The following GEMIN5 variants were observed in gnomAD, a reference collection of about 807,000 sequenced individuals.
GEMIN5 encodes the protein gem nuclear organelle associated protein 5.
In GEMIN5, 124 loss-of-function variants were observed where a neutral mutation model predicts 176.9. The ratio of observed to expected loss-of-function variants is 0.70; its 90% CI spans 0.61 to 0.81. The LOEUF (loss-of-function observed/expected upper bound fraction) is 0.81, where lower values mean the gene tolerates loss of function less well. Ranked by LOEUF, GEMIN5 falls within the 40% of genes least tolerant of loss-of-function variation. GEMIN5 has a pLI of 0.00. For missense variants in GEMIN5, 1,843 were observed against 1,814.6 expected (o/e 1.02, Z -0.28); for synonymous variants, 673 against 665.2 (o/e 1.01, Z -0.18).
Position 154,903,110 on chromosome 5 carries a change from C to T in GEMIN5, c.2698G>A (p.Ala900Thr). 2 of 1,608,530 alleles carry T rather than the reference C, an allele frequency of 1.2e-6. No homozygotes were observed. Among genetic ancestry groups the T allele is most frequent in the Non-Finnish European group, 1.7e-6 (2 of 1,175,010 alleles). Residue 900 changes from alanine to threonine, a missense_variant, in exon 19 of 28, where the codon GCT (alanine) becomes ACT (threonine). Coordinates refer to ENST00000285873, the MANE Select transcript of GEMIN5 (RefSeq NM_015465.5). ...RFHLGLFTDR[A>T]TLYRMIDIEG... ...ATATCAATCATTCTATACAGGGTAGCCCTGTCTGTGAAAAGCCCCAGATGA... is the reference window on the plus strand; with the variant it reads ...ATATCAATCATTCTATACAGGGTAGTCCTGTCTGTGAAAAGCCCCAGATGA...
chr5:154,912,443 T>C (rs577013316), intron 14 of GEMIN5, among the ~76,000 whole-genome samples: 2 of 152,376 alleles, frequency 1.3e-5, no homozygotes, highest in East Asian at 3.9e-4. Context: ...TCCCCAGCTC[T>C]AGTTCTGATA....
intron 18 of GEMIN5, among the ~76,000 whole-genome samples, chr5:154,904,262 A>G (rs1430676904): frequency 6.6e-6 from 1 of 152,192 alleles, no homozygotes; most frequent in East Asian, 1.9e-4. Context: ...GAGGAATTAG[A>G]TTTAGAATAA....
chr5:154,903,946 G>A (rs2113470703), intron 18 of GEMIN5, among the ~76,000 whole-genome samples: 1 of 151,904 alleles, frequency 6.6e-6, no homozygotes, highest in Middle Eastern at 3.4e-3. Context: ...TATTTATTAT[G>A]TGCATCCCTT....
At chr5:154,910,013 T>C (rs764443762) in intron 15 of GEMIN5, among the ~76,000 whole-genome samples, 1 of 151,648 alleles carries the variant, frequency 6.6e-6, no homozygotes, top group Non-Finnish European at 1.5e-5. Flanking sequence ...ATAAACAGAA[T>C]TAGACAGTAT....
intron 15 of GEMIN5, among the ~76,000 whole-genome samples, chr5:154,909,551 CCTA>C (rs1338295648): frequency 2.3e-5 from 1 of 43,530 alleles, no homozygotes; most frequent in Non-Finnish European, 8.5e-5. Context: ...GTACAAAGTA[CCTA>C]CCACCACCAC....
At chr5:154,919,924 C>A in intron 11 of GEMIN5, 43 bp downstream of exon 11, 1 of 1,575,264 alleles carries the variant, frequency 6.3e-7, no homozygotes, top group Non-Finnish European at 8.7e-7. Context: ...ACAGAGGGAT[C>A]TGTGATGTAA....
chr5:154,900,537 A>G (rs1331450899), intron 21 of GEMIN5, among the ~76,000 whole-genome samples: 2 of 152,198 alleles, frequency 1.3e-5, no homozygotes, highest in Non-Finnish European at 2.9e-5. Flanking sequence ...TGGGAGCCCT[A>G]TCTTGGCACT....
In GEMIN5 at chr5:154,927,582, T is replaced by C. The variant is rs188539112; in HGVS notation, c.915-32A>G. The C allele has an allele frequency of 5.0e-5, 75 of 1,506,716 alleles. No individual in the cohort carries two copies. In the African/African-American group the frequency reaches 9.2e-4, roughly 18 times the overall value. 93.3% of individuals were successfully genotyped at this position (1,506,716 alleles called of 1,614,324 possible). On this transcript the variant is annotated intron_variant, in intron 6 of 27. Transcript: ENST00000285873. ...AGGAAAAACATAAGCATTAGTTCTT[T>C]TACAAACGATCTGAAAACAAGTGAC...
chr5:154,902,663 T>C lies in GEMIN5; in HGVS notation c.2742A>G (p.Leu914=). The stretch of plus-strand genomic sequence containing the variant: ...GAAATAACTCAGGGTGGCCATTTTC[T>C]AAGTGACCTTTTCCTGTTTGAAAGA... ...RMIDIEGKGH[L]ENGHPELFHQ... is the part of the protein sequence containing the mutation. Residue 914 remains leucine (L), a synonymous_variant, in exon 20 of 28, where the codon TTA becomes TTG. Transcript: ENST00000285873. 1 of 1,614,042 alleles carries C rather than the reference T, an allele frequency of 6.2e-7. No homozygotes were observed. The highest frequency in any genetic ancestry group is 2.2e-5 in the East Asian group (1 of 44,880).
In GEMIN5 at chr5:154,889,403, T is replaced by C. The variant is rs540609069; in HGVS notation, c.4277A>G (p.Asn1426Ser). The change falls in exon 27 of 28, where the codon AAT (asparagine) becomes AGT (serine). Residue 1426 changes from asparagine to serine, a missense_variant. Transcript: ENST00000285873. ...TAACTCAGGCAGAGAAAGTGGCTCA[T>C]TTTTTTCTTCTTTACTAGTGAAAAA... The part of the protein sequence containing the change: ...SSQSQCKEEK[N>S]EPLSLPELTK... 4.3e-5 allele frequency: 69 copies of C among 1,604,446 alleles called. No homozygotes were observed. The South Asian group carries it at 7.0e-4, about 16-fold the overall frequency.
In GEMIN5 at chr5:154,896,226, G is replaced by A. The variant is rs6865950; in HGVS notation, c.3463C>T (p.Pro1155Ser). Residue 1155 changes from proline to serine, a missense_variant, in exon 24 of 28, where the codon CCT (proline) becomes TCT (serine). Pro to Ser is a moderately conservative substitution (Grantham distance 74). Coordinates refer to ENST00000285873, the MANE Select transcript of GEMIN5 (RefSeq NM_015465.5). ...YHTWNTGTEG[P>S]FVERVTAVWK... ...ACTGCAGTCACCCTCTCCACGAAAG[G>A]CCCTTCGGTGCCCGTGTTCCAAGTG... 132,208 of 1,613,498 alleles carry A rather than the reference G, an allele frequency of 0.082. 6,347 individuals are homozygous for A. Among genetic ancestry groups the A allele is most frequent in the Admixed American group, 0.19 (11,135 of 59,914 alleles).
intron 24 of GEMIN5, among the ~76,000 whole-genome samples, chr5:154,892,891 G>C (rs920677892): frequency 6.6e-6 from 1 of 152,064 alleles, no homozygotes; most frequent in Non-Finnish European, 1.5e-5. Context: ...AAGGTCAGGA[G>C]TTCAAGACCA....
At chr5:154,901,774 T>C (rs1012488408) in intron 20 of GEMIN5, among the ~76,000 whole-genome samples, 2 of 121,658 alleles carry the variant, frequency 1.6e-5, no homozygotes, top group Non-Finnish European at 3.4e-5. Context: ...AAAGGTAACA[T>C]GACTACGTGC....
chr5:154,911,560 G>C (rs1442170206), intron 15 of GEMIN5, among the ~76,000 whole-genome samples, 167 bp downstream of exon 15: 3 of 152,114 alleles, frequency 2.0e-5, no homozygotes, highest in Non-Finnish European at 4.4e-5. Context: ...TTCCTATTGT[G>C]GGTGGTGTTG....
intron 10 of GEMIN5, 83 bp downstream of exon 10, chr5:154,921,260 G>C (rs764356465): frequency 5.1e-6 from 4 of 777,480 alleles, no homozygotes; most frequent in Non-Finnish European, 9.2e-6. Context: ...GACCATTTAT[G>C]ACTCTTTCCA....
At chr5:154,892,318 T>G in intron 25 of GEMIN5, 69 bp downstream of exon 25, 2 of 1,255,652 alleles carry the variant, frequency 1.6e-6, no homozygotes, top group Non-Finnish European at 2.3e-6. Flanking sequence ...GTACTCCCAG[T>G]GCCACACCAC....
At chr5:154,925,047 T>G (rs1165020828) in intron 8 of GEMIN5, among the ~76,000 whole-genome samples, 1 of 152,146 alleles carries the variant, frequency 6.6e-6, no homozygotes, top group Non-Finnish European at 1.5e-5. Flanking sequence ...CTGTAATCTT[T>G]CATTCAAAAA....
chr5:154,894,141 T>C (rs7379585), intron 24 of GEMIN5, among the ~76,000 whole-genome samples: 145,988 of 152,130 alleles, frequency 0.96, 70,106 homozygotes, highest in South Asian at 0.99. Context: ...GACAGGTTTT[T>C]GCCATGTTGC....
rs61749643 is a variant in GEMIN5 at position 154,899,279 on chromosome 5, G to A, written c.3046C>T (p.Arg1016Cys). 7.0e-3 allele frequency: 11,346 copies of A among 1,611,648 alleles called. 58 individuals carry two copies. The highest frequency in any genetic ancestry group is 8.7e-3 in the Non-Finnish European group (10,241 of 1,178,814). Residue 1016 changes from arginine (R) to cysteine (C), a missense_variant, in exon 22 of 28, where the codon CGC (arginine) becomes TGC (cysteine). Transcript: ENST00000285873. ...TCCTTCAGGACTGGGTCCTCCGGGC[G>A]CAGCCGGGCCTTGGCAATCGCAATA... ...EAIAIAKARL[R>C]PEDPVLKDLY...
Sources: gnomAD v4.1 joint callset for allele counts (sites outside exome capture counted in the v4.1 genomes callset) on GRCh38, gnomAD v4.1.1 for gene constraint, MANE v1.5 for transcripts, NCBI Gene and HGNC (gene_info 2026-07-23, HGNC 2026-07-21) for gene names.